Variants in CYRIA observed in about 807,000 individuals in gnomAD.
CYRIA encodes the protein CYFIP-related Rac1 interactor A.
CYRIA carries 15 observed loss-of-function variants against 43.9 expected under a neutral mutation model. The observed-to-expected ratio is 0.34, with a 90% CI of 0.23 to 0.53. The LOEUF (loss-of-function observed/expected upper bound fraction) is 0.53, where lower values mean the gene tolerates loss of function less well. Among genes scored for constraint, CYRIA ranks in the 20% least tolerant of loss-of-function variants. CYRIA has a pLI of 0.94. For synonymous variants in CYRIA, 117 were observed against 136.0 expected, an observed-to-expected ratio of 0.86 and a Z score of 0.97; for missense variants, 236 against 394.2, an observed-to-expected ratio of 0.60 and a Z score of 3.40.
intron 2 of CYRIA, among the ~76,000 whole-genome samples, chr2:16,620,674 C>T (rs1166160487): frequency 6.6e-6 from 1 of 152,150 alleles, no homozygotes; most frequent in African/African-American, 2.4e-5. Flanking sequence ...AGACTCAAAC[C>T]ACTTAGCTTG....
intron 2 of CYRIA, among the ~76,000 whole-genome samples, chr2:16,615,042 T>C (rs968104417): frequency 6.6e-6 from 1 of 152,222 alleles, no homozygotes; most frequent in Non-Finnish European, 1.5e-5. Context: ...GGCAATGAAT[T>C]CTGCATAAAT....
At chr2:16,613,604 CA>C (rs1668678748) in intron 2 of CYRIA, among the ~76,000 whole-genome samples, 1 of 150,016 alleles carries the variant, frequency 6.7e-6, no homozygotes, top group South Asian at 2.1e-4. Flanking sequence ...TTTCTCTGGG[CA>C]AATGCAAGAG....
chr2:16,587,138 G>T (rs536902963), intron 3 of CYRIA, among the ~76,000 whole-genome samples: 2 of 152,108 alleles, frequency 1.3e-5, no homozygotes, highest in Admixed American at 6.5e-5. Flanking sequence ...ATCCTGAAGT[G>T]GTTTGTATAA....
chr2:16,565,553 C>T, intron 4 of CYRIA, 93 bp downstream of exon 4: 1 of 1,336,006 alleles, frequency 7.5e-7, no homozygotes, highest in African/African-American at 1.5e-5. Flanking sequence ...AATACTGTAG[C>T]TATTACTTAA....
intron 1 of CYRIA, among the ~76,000 whole-genome samples, chr2:16,645,583 T>A (rs1032469850): frequency 1.3e-5 from 2 of 152,152 alleles, no homozygotes; most frequent in East Asian, 1.9e-4. Context: ...GGTGATCACG[T>A]CATTGGAAAA....
intron 3 of CYRIA, among the ~76,000 whole-genome samples, chr2:16,570,850 T>C (rs926184955): frequency 4.6e-5 from 7 of 152,248 alleles, no homozygotes; most frequent in Non-Finnish European, 8.8e-5. Context: ...TCTTTGGTAA[T>C]GTTCCTTCTA....
chr2:16,608,067 T>G (rs1668471322), intron 2 of CYRIA, among the ~76,000 whole-genome samples: 1 of 152,150 alleles, frequency 6.6e-6, no homozygotes, highest in African/African-American at 2.4e-5. Flanking sequence ...TTTAGCCATT[T>G]CAACCACTCC....
In CYRIA at chr2:16,559,596, A is replaced by G; in HGVS notation, c.711-10T>C. The G allele has an allele frequency of 6.2e-7, 1 of 1,610,400 alleles. No individual in the cohort carries two copies. ...CCTACTTCTGTACTCCCTGCAAGAG[A>G]AGAAACAGCAGTGGCGTCACTTCCT... is the stretch of plus-strand genomic sequence containing the variant. On this transcript the variant is annotated splice_polypyrimidine_tract_variant and intron_variant, in intron 9 of 11. Coordinates refer to ENST00000381323, the MANE Select transcript of CYRIA (RefSeq NM_030797.4).
At chr2:16,612,301 T>A (rs949123007) in intron 2 of CYRIA, among the ~76,000 whole-genome samples, 2 of 147,092 alleles carry the variant, frequency 1.4e-5, no homozygotes, top group Non-Finnish European at 3.0e-5. Context: ...GGAGGGCATG[T>A]GGATGGGAGG....
At chr2:16,631,936 C>T (rs1669339457) in intron 1 of CYRIA, among the ~76,000 whole-genome samples, 1 of 152,210 alleles carries the variant, frequency 6.6e-6, no homozygotes, top group African/African-American at 2.4e-5. Flanking sequence ...TGAACACCTA[C>T]AGCCCTCATG....
At chr2:16,572,682 A>ATC (rs1667178541) in intron 3 of CYRIA, among the ~76,000 whole-genome samples, 1 of 152,220 alleles carries the variant, frequency 6.6e-6, no homozygotes, top group African/African-American at 2.4e-5. Flanking sequence ...TATTTTTAAG[A>ATC]GTACAATGAT....
At position 16,562,281 on chromosome 2, in the gene CYRIA, T is replaced by C. The variant is rs990581587; in HGVS notation, c.299-140A>G. 12 of 917,634 alleles carry C rather than the reference T, an allele frequency of 1.3e-5. No homozygotes were observed. In the Admixed American group the frequency reaches 2.0e-4, roughly 15 times the overall value. The allele number at this position is 917,634 out of a possible 1,614,324, so 56.8% of individuals were successfully genotyped here. A position where few individuals can be genotyped will look rare whatever the true frequency, so the allele number is the denominator to read the frequency against. ...CGATAACTACGTGAGGTGTGCTGCA[T>C]GTGGACGAGGAAGAGAAGGAATCCC... On this transcript the variant is annotated intron_variant, in intron 5 of 11. Transcript: ENST00000381323.
intron 2 of CYRIA, among the ~76,000 whole-genome samples, chr2:16,588,512 G>C (rs372851703): frequency 6.6e-6 from 1 of 151,604 alleles, no homozygotes; most frequent in Non-Finnish European, 1.5e-5. Context: ...AATGTTCTCC[G>C]AAGTGCTTCC....
At chr2:16,640,069 G>C (rs1056754653) in intron 1 of CYRIA, among the ~76,000 whole-genome samples, 1 of 152,160 alleles carries the variant, frequency 6.6e-6, no homozygotes, top group East Asian at 1.9e-4. Context: ...CCATCTGTTA[G>C]CACATACAGG....
chr2:16,633,783 A>C (rs115373916), intron 1 of CYRIA, among the ~76,000 whole-genome samples: 1 of 151,936 alleles, frequency 6.6e-6, no homozygotes, highest in Non-Finnish European at 1.5e-5. Context: ...TTCAAAACAC[A>C]CATTTGATGA....
intron 1 of CYRIA, among the ~76,000 whole-genome samples, chr2:16,633,159 C>T (rs190316722): frequency 6.6e-6 from 1 of 152,326 alleles, no homozygotes; most frequent in Admixed American, 6.5e-5. Flanking sequence ...TGTTAACTCC[C>T]AGCTTAAGCC....
intron 6 of CYRIA, among the ~76,000 whole-genome samples, 180 bp downstream of exon 6, chr2:16,561,825 A>G (rs1184708811): frequency 1.3e-5 from 2 of 152,142 alleles, no homozygotes; most frequent in African/African-American, 2.4e-5. Flanking sequence ...ACAAATCATC[A>G]TCTTAAATTA....
At chr2:16,645,400 C>T (rs1343761169) in intron 1 of CYRIA, among the ~76,000 whole-genome samples, 3 of 152,174 alleles carry the variant, frequency 2.0e-5, no homozygotes, top group Non-Finnish European at 4.4e-5. Flanking sequence ...ATAATAAAAA[C>T]GAAGCGGATA....
At position 16,552,850 on chromosome 2, in the gene CYRIA, A is replaced by G. The variant is rs1364283301; in HGVS notation, c.*86T>C. On this transcript the variant is annotated 3_prime_UTR_variant, in exon 12 of 12. Coordinates refer to ENST00000381323, the MANE Select transcript of CYRIA (RefSeq NM_030797.4). The stretch of plus-strand genomic sequence containing the variant: ...GAAGGAAACGGTTATGTAAATACAC[A>G]AGTATTAACATCAATCTGTATTAAA... The G allele has an allele frequency of 2.3e-6, 2 of 861,444 alleles. No homozygotes were observed. Among genetic ancestry groups the G allele is most frequent in the Non-Finnish European group, 4.0e-6 (2 of 505,618 alleles). The allele number at this position is 861,444 out of a possible 1,614,324, so 53.4% of individuals were successfully genotyped here.
Sources: gnomAD v4.1 joint callset for allele counts (sites outside exome capture counted in the v4.1 genomes callset) on GRCh38, gnomAD v4.1.1 for gene constraint, MANE v1.5 for transcripts, NCBI Gene and HGNC (gene_info 2026-07-23, HGNC 2026-07-21) for gene names.